Variants in LRP1B observed in about 807,000 individuals in gnomAD.
LRP1B encodes the protein LDL receptor related protein 1B.
A neutral mutation model predicts 556.6 loss-of-function variants in LRP1B; 217 were observed. The ratio of observed to expected loss-of-function variants is 0.39; its 90% CI spans 0.35 to 0.44. The LOEUF (loss-of-function observed/expected upper bound fraction) is 0.44. LRP1B is among the 20% of genes least tolerant of loss of function. The probability of loss-of-function intolerance (pLI) is 1.00; values close to 1 mark genes in which losing one functional copy is unlikely to be tolerated. For synonymous variants in LRP1B, 2,047 were observed against 1,865.8 expected, an observed-to-expected ratio of 1.10 and a Z score of -2.50; for missense variants, 5,053 against 5,620.8, an observed-to-expected ratio of 0.90 and a Z score of 3.23.
chr2:141,495,012 AC>A (rs1683464937), intron 2 of LRP1B, among the ~76,000 whole-genome samples: 1 of 151,958 alleles, frequency 6.6e-6, no homozygotes, highest in South Asian at 2.1e-4. Flanking sequence ...TAATTGCAAT[AC>A]CCCTTTGGGA....
chr2:140,600,303 G>A (rs1397730356), intron 42 of LRP1B, among the ~76,000 whole-genome samples: 1 of 152,002 alleles, frequency 6.6e-6, no homozygotes, highest in Non-Finnish European at 1.5e-5. Context: ...TCAGCAAACC[G>A]TATTCTCATA....
chr2:141,757,286 A>G (rs1574326762), intron 2 of LRP1B, among the ~76,000 whole-genome samples: 2 of 152,300 alleles, frequency 1.3e-5, no homozygotes, highest in African/African-American at 4.8e-5. Flanking sequence ...CACATTTCAC[A>G]TGACCTAGAA....
chr2:141,013,789 A>G (rs754198293), intron 13 of LRP1B, 44 bp from the exon 14 acceptor site: 1 of 1,175,160 alleles, frequency 8.5e-7, no homozygotes, highest in Admixed American at 2.7e-5. Flanking sequence ...ACTGACCTTT[A>G]GAAACATAAC....
At chr2:140,374,617 G>A (rs989278427) in intron 68 of LRP1B, among the ~76,000 whole-genome samples, 4 of 152,006 alleles carry the variant, frequency 2.6e-5, no homozygotes, top group South Asian at 2.1e-4. Context: ...TATTAGTGCC[G>A]GGGACATAGT....
At chr2:142,026,622 C>A (rs1703514369) in intron 1 of LRP1B, among the ~76,000 whole-genome samples, 1 of 151,954 alleles carries the variant, frequency 6.6e-6, no homozygotes, top group African/African-American at 2.4e-5. Context: ...ACAGTGATGC[C>A]AGTTGGCATT....
intron 47 of LRP1B, among the ~76,000 whole-genome samples, chr2:140,533,533 C>T (rs1690813983): frequency 1.3e-5 from 2 of 152,050 alleles, no homozygotes; most frequent in South Asian, 2.1e-4. Context: ...CAGGTAAAGG[C>T]ATACTCTGTT....
At chr2:141,673,840 A>G (rs1330570673) in intron 2 of LRP1B, among the ~76,000 whole-genome samples, 1 of 151,984 alleles carries the variant, frequency 6.6e-6, no homozygotes, top group Non-Finnish European at 1.5e-5. Context: ...TTTTTTTAAA[A>G]TTTTTAATCA....
chr2:141,354,011 G>T (rs1271002260), intron 3 of LRP1B, among the ~76,000 whole-genome samples: 3 of 151,900 alleles, frequency 2.0e-5, no homozygotes, highest in Non-Finnish European at 4.4e-5. Context: ...AGAAGTATTG[G>T]TAATTGAAGG....
At chr2:141,816,124 A>G (rs1208501756) in intron 1 of LRP1B, among the ~76,000 whole-genome samples, 2 of 150,918 alleles carry the variant, frequency 1.3e-5, no homozygotes, top group Non-Finnish European at 2.9e-5. Flanking sequence ...TAGATACAGA[A>G]TAATTCTTTG....
intron 3 of LRP1B, among the ~76,000 whole-genome samples, chr2:141,468,142 C>T (rs1682316022): frequency 1.3e-5 from 2 of 152,144 alleles, no homozygotes; most frequent in African/African-American, 4.8e-5. Context: ...TGTTAGGCAA[C>T]ATTAGAATTT....
intron 2 of LRP1B, among the ~76,000 whole-genome samples, chr2:141,561,254 C>T (rs1686137980): frequency 6.6e-6 from 1 of 151,682 alleles, no homozygotes; most frequent in African/African-American, 2.4e-5. Flanking sequence ...AATGAAACTC[C>T]ATATAAAATA....
chr2:140,918,123 T>C (rs1207127365), intron 21 of LRP1B, among the ~76,000 whole-genome samples: 2 of 152,072 alleles, frequency 1.3e-5, no homozygotes, highest in Non-Finnish European at 2.9e-5. Flanking sequence ...TCCAGATTAT[T>C]TTGAAGTATG....
chr2:140,929,451 T>G (rs1694983905), intron 20 of LRP1B, among the ~76,000 whole-genome samples: 1 of 151,976 alleles, frequency 6.6e-6, no homozygotes, highest in African/African-American at 2.4e-5. Flanking sequence ...AAATTTTGTG[T>G]AATGTGTGAG....
chr2:141,209,136 C>A (rs1018185210), intron 6 of LRP1B, among the ~76,000 whole-genome samples: 2 of 152,050 alleles, frequency 1.3e-5, no homozygotes, highest in African/African-American at 4.8e-5. Flanking sequence ...ATAAGGAAAT[C>A]TAGAACTGAT....
chr2:140,623,316 TA>T (rs1206706302), intron 41 of LRP1B, among the ~76,000 whole-genome samples: 1 of 152,182 alleles, frequency 6.6e-6, no homozygotes, highest in East Asian at 1.9e-4. Flanking sequence ...AATACATCTT[TA>T]AGCAATAAAG....
chr2:141,958,394 G>C (rs948156842), intron 1 of LRP1B, among the ~76,000 whole-genome samples: 4 of 152,104 alleles, frequency 2.6e-5, no homozygotes, highest in Non-Finnish European at 4.4e-5. Flanking sequence ...AAGCCTTGTG[G>C]AGAATCTAAA....
intron 41 of LRP1B, among the ~76,000 whole-genome samples, chr2:140,618,276 T>C (rs1574149235): frequency 6.6e-6 from 1 of 152,092 alleles, no homozygotes; most frequent in East Asian, 1.9e-4. Flanking sequence ...ATGAGGGCTC[T>C]ATAGAAATAT....
chr2:141,090,132 A>G (rs533299604), intron 7 of LRP1B, among the ~76,000 whole-genome samples: 1 of 152,322 alleles, frequency 6.6e-6, no homozygotes, highest in South Asian at 2.1e-4. Context: ...CAAGAACCCA[A>G]CAGGGGGTTA....
chr2:140,448,174 C>G (rs1254830497), intron 63 of LRP1B, among the ~76,000 whole-genome samples: 3 of 152,038 alleles, frequency 2.0e-5, no homozygotes, highest in Non-Finnish European at 2.9e-5. Context: ...ATTGATGCAG[C>G]CTTGTCATAA....
Sources: gnomAD v4.1 joint callset for allele counts (sites outside exome capture counted in the v4.1 genomes callset) on GRCh38, gnomAD v4.1.1 for gene constraint, MANE v1.5 for transcripts, NCBI Gene and HGNC (gene_info 2026-07-23, HGNC 2026-07-21) for gene names.